Variants in RUBCNL observed in about 807,000 individuals in gnomAD.
RUBCNL encodes the protein rubicon like autophagy enhancer.
In RUBCNL, 62 loss-of-function variants were observed where a neutral mutation model predicts 69.5. That is an observed-to-expected ratio of 0.89 (90% confidence interval 0.73 to 1.10). The LOEUF is 1.10. Among genes scored for constraint, RUBCNL ranks in the 50% least tolerant of loss-of-function variants. RUBCNL has a pLI of 0.00. For missense variants in RUBCNL, 768 were observed against 798.1 expected (o/e 0.96, Z 0.45); for synonymous variants, 291 against 303.6 (o/e 0.96, Z 0.43).
chr13:46,353,680 C>A (rs534229415), intron 10 of RUBCNL, among the ~76,000 whole-genome samples: 19 of 152,304 alleles, frequency 1.2e-4, no homozygotes, highest in African/African-American at 4.6e-4. Context: ...GTTGAGAAAT[C>A]CTGCTCCAAA....
intron 3 of RUBCNL, among the ~76,000 whole-genome samples, chr13:46,371,157 TAGAC>T (rs548383243): frequency 8.5e-4 from 130 of 152,194 alleles, no homozygotes; most frequent in African/African-American, 2.8e-3. Flanking sequence ...TACAGAGAAA[TAGAC>T]AGGCAGGCAG....
intron 10 of RUBCNL, among the ~76,000 whole-genome samples, chr13:46,355,026 A>G (rs1351139319): frequency 6.6e-6 from 1 of 152,188 alleles, no homozygotes; most frequent in Non-Finnish European, 1.5e-5. Context: ...GAAAATCAGC[A>G]ACAATGGTGA....
intron 10 of RUBCNL, among the ~76,000 whole-genome samples, chr13:46,351,871 C>T (rs1594139048): frequency 7.4e-6 from 1 of 135,864 alleles, no homozygotes; most frequent in East Asian, 2.3e-4. Flanking sequence ...CTCTGTTGCC[C>T]AGGCTGGAGT....
In RUBCNL at chr13:46,339,602, T is replaced by C. The variant is rs1237021821; in HGVS notation, c.*3783A>G. ...GGTCAGGCGCAGTGGCTCAGGCCTG[T>C]AATCCCAGCACTTTTGGAAGCCGAA... On this transcript the variant is annotated 3_prime_UTR_variant, in exon 15 of 15. Transcript: ENST00000429979. 6.6e-6 allele frequency among the ~76,000 whole-genome samples: 1 copy of C among 152,168 alleles called. No individual in the cohort carries two copies. Among genetic ancestry groups the C allele is most frequent in the East Asian group, 1.9e-4 (1 of 5,194 alleles).
At chr13:46,389,741 G>A (rs1346572204), upstream of RUBCNL, 1 of 152,206 alleles carries the variant, frequency 6.6e-6, no homozygotes. The surrounding 1 kb of genome is among the most constrained non-coding windows in gnomAD (Gnocchi z 4.2). Flanking sequence ...CTAGGACTAA[G>A]GAGAAACATT....
intron 9 of RUBCNL, among the ~76,000 whole-genome samples, chr13:46,357,189 C>T (rs1017903307): frequency 5.3e-5 from 8 of 151,516 alleles, no homozygotes; most frequent in African/African-American, 1.7e-4. Flanking sequence ...AAAAATTAGC[C>T]GGGCGTGGTG....
chr13:46,346,540 T>C (rs1363838039), intron 12 of RUBCNL, among the ~76,000 whole-genome samples: 3 of 152,182 alleles, frequency 2.0e-5, no homozygotes, highest in Non-Finnish European at 4.4e-5. Flanking sequence ...TCTACTAATT[T>C]TTTTTATCTG....
At chr13:46,363,905 CTAG>C (rs2138763759) in intron 5 of RUBCNL, among the ~76,000 whole-genome samples, 1 of 149,510 alleles carries the variant, frequency 6.7e-6, no homozygotes, top group East Asian at 2.0e-4. Context: ...ATTATTAATA[CTAG>C]TAGTATGAAT....
rs148775911 is a variant in RUBCNL, at chr13:46,378,191, T to C, written c.-238-186A>G. 1.8e-4 allele frequency among the ~76,000 whole-genome samples: 28 copies of C among 152,298 alleles called. No homozygotes were observed. In the East Asian group the frequency reaches 3.1e-3, roughly 17 times the overall value. On this transcript the variant is annotated intron_variant, in intron 1 of 14. Coordinates refer to ENST00000429979, the MANE Select transcript of RUBCNL (RefSeq NM_025113.5). ...GGTAACAGACGGGACTAAAATAAGC[T>C]TCCTGCCCTTCCTCAGCTTATGTTC... is the stretch of plus-strand genomic sequence containing the variant.
intron 3 of RUBCNL, among the ~76,000 whole-genome samples, chr13:46,370,806 G>A (rs977122621): frequency 1.4e-4 from 21 of 151,674 alleles, no homozygotes; most frequent in Admixed American, 5.3e-4. Context: ...TGGGGAGAGG[G>A]CTTTCCTCTA....
At chr13:46,385,412 T>C in intron 1 of RUBCNL, 3 of 239,812 alleles carry the variant, frequency 1.3e-5, no homozygotes, top group Non-Finnish European at 2.0e-5. Context: ...AGGCTGGACA[T>C]ACTTATCCAA....
chr13:46,350,637 CA>C (rs1350381201), intron 10 of RUBCNL: 2 of 318,152 alleles, frequency 6.3e-6, no homozygotes, highest in East Asian at 1.1e-4. Flanking sequence ...TGCAGTGTAG[CA>C]AAAGGAACAT....
At chr13:46,365,069 G>A (rs552017957) in intron 5 of RUBCNL, among the ~76,000 whole-genome samples, 7 of 152,134 alleles carry the variant, frequency 4.6e-5, no homozygotes, top group South Asian at 2.1e-4. Flanking sequence ...TTGGGAGGCC[G>A]AGGCAAGCGG....
At chr13:46,381,003 T>C (rs886208833) in intron 1 of RUBCNL, among the ~76,000 whole-genome samples, 4 of 152,192 alleles carry the variant, frequency 2.6e-5, no homozygotes, top group African/African-American at 9.7e-5. Flanking sequence ...ATGGCTAGAT[T>C]TCCATGTTTG....
upstream of RUBCNL, chr13:46,387,691 GTCTC>G (rs1357303551): frequency 1.0e-6 from 1 of 985,710 alleles, no homozygotes; most frequent in South Asian, 4.7e-5. Context: ...AACGTGAGCT[GTCTC>G]TCTCTGACCT....
chr13:46,379,643 G>A (rs2049076155), intron 1 of RUBCNL, among the ~76,000 whole-genome samples: 1 of 152,170 alleles, frequency 6.6e-6, no homozygotes, highest in African/African-American at 2.4e-5. Context: ...AAGGATACTA[G>A]AGAATAGAAA....
Position 46,350,156 on chromosome 13 carries a change from C to T in RUBCNL, c.1526G>A (p.Gly509Asp), listed in dbSNP as rs866223802. The change falls in exon 11 of 15, where the codon GGC becomes GAC. Residue 509 changes from glycine to aspartate, a missense_variant. Transcript: ENST00000429979. ...HQPIFNLLSI[G>D]QSLYAKAKEL... ...CTTGGCTTTCGCATACAGGCTTTGG[C>T]CGATGCTCAGCAAATTGAAAATGGG... is the stretch of plus-strand genomic sequence containing the variant. 1 of 1,581,572 alleles carries T rather than the reference C, an allele frequency of 6.3e-7. No individual in the cohort carries two copies. Among genetic ancestry groups the T allele is most frequent in the Non-Finnish European group, 8.6e-7 (1 of 1,163,168 alleles).
chr13:46,382,286 G>C (rs1030487432), intron 1 of RUBCNL, among the ~76,000 whole-genome samples: 1 of 152,108 alleles, frequency 6.6e-6, no homozygotes, highest in African/African-American at 2.4e-5. Context: ...ACCAGGCTGT[G>C]AACAAAAATA....
intron 6 of RUBCNL, among the ~76,000 whole-genome samples, 157 bp downstream of exon 6, chr13:46,362,958 A>C (rs531381309): frequency 0.018 from 1,362 of 76,344 alleles, 61 homozygotes; most frequent in Non-Finnish European, 0.025. Context: ...ATATATATAT[A>C]TATATATATA....
Sources: allele counts gnomAD v4.1 joint callset (sites outside exome capture counted in the v4.1 genomes callset), GRCh38; gene constraint gnomAD v4.1.1; non-coding constraint Gnocchi (gnomAD v3.1); transcripts MANE v1.5; gene names NCBI Gene and HGNC (gene_info 2026-07-23, HGNC 2026-07-21).